The following GAS7 variants were observed in gnomAD, a reference collection of about 807,000 sequenced individuals.
The protein encoded by GAS7 is growth arrest-specific protein 7.
Under a neutral mutation model 71.1 loss-of-function variants are expected in GAS7, and 28 were observed. The ratio of observed to expected loss-of-function variants is 0.39; its 90% CI spans 0.29 to 0.54. The LOEUF is 0.54. Among genes scored for constraint, GAS7 ranks in the 20% least tolerant of loss-of-function variants. The pLI is 0.62. For missense variants in GAS7, 436 were observed against 627.8 expected (o/e 0.69, Z 3.27); for synonymous variants, 258 against 245.8 (o/e 1.05, Z -0.46).
At chr17:10,185,283 C>A (rs1029718141) in intron 1 of GAS7, among the ~76,000 whole-genome samples, 14 of 152,120 alleles carry the variant, frequency 9.2e-5, no homozygotes, top group Admixed American at 2.0e-4. Context: ...CATGGAGGTG[C>A]TAGGAGAGTC....
At chr17:10,051,585 GGCGGAGAACAC>G (rs1332222381) in intron 1 of GAS7, among the ~76,000 whole-genome samples, 5 of 152,100 alleles carry the variant, frequency 3.3e-5, no homozygotes, top group Non-Finnish European at 5.9e-5. Context: ...AAACTCACAG[GGCGGAGAACAC>G]ACGCAAGTCC....
intron 1 of GAS7, among the ~76,000 whole-genome samples, chr17:10,155,661 A>G (rs181535605): frequency 6.9e-4 from 104 of 151,710 alleles, no homozygotes; most frequent in African/African-American, 2.5e-3. Flanking sequence ...TGGTCCTCCC[A>G]CTCCCATCCC....
At chr17:9,936,099 G>A (rs543789123) in intron 8 of GAS7, among the ~76,000 whole-genome samples, 1 of 152,194 alleles carries the variant, frequency 6.6e-6, no homozygotes, top group African/African-American at 2.4e-5. Context: ...TCCACAGGAG[G>A]AAAAGGAATC....
intron 1 of GAS7, among the ~76,000 whole-genome samples, chr17:10,181,874 G>A (rs1042067118): frequency 2.0e-5 from 3 of 152,136 alleles, no homozygotes; most frequent in Admixed American, 6.5e-5. Flanking sequence ...AGAGGCTACC[G>A]CTGGTCATCC....
At chr17:10,011,044 TC>T (rs2071750515) in intron 2 of GAS7, among the ~76,000 whole-genome samples, 1 of 152,236 alleles carries the variant, frequency 6.6e-6, no homozygotes, top group Admixed American at 6.5e-5. Flanking sequence ...AGAAGTTTCC[TC>T]CTAGGATGAT....
At chr17:10,155,239 C>T (rs2074197126) in intron 1 of GAS7, among the ~76,000 whole-genome samples, 1 of 152,118 alleles carries the variant, frequency 6.6e-6, no homozygotes, top group Non-Finnish European at 1.5e-5. Context: ...TGGTCTCGAA[C>T]TCCTGACCTC....
rs113978728 is a variant in GAS7 at position 10,193,294 on chromosome 17, G to A, written c.183+4914C>T. ...AAAAAAAAAACCCTCCAAGGATTGC[G>A]ATAGAGGTAGAACTGCCAAGTCTCT... On this transcript the variant is annotated intron_variant, in intron 1 of 13. Transcript: ENST00000432992. Among the ~76,000 whole-genome samples the A allele has an allele frequency of 1.0e-3, 155 of 147,976 alleles. 1 individual carries two copies. The highest frequency in any genetic ancestry group is 3.5e-3 in the African/African-American group (140 of 40,356).
intron 1 of GAS7, among the ~76,000 whole-genome samples, chr17:10,064,324 C>T (rs1354874446): frequency 2.6e-5 from 4 of 152,226 alleles, no homozygotes; most frequent in Non-Finnish European, 5.9e-5. Context: ...GGGTCTGTGA[C>T]CTACAAAGCA....
chr17:10,141,462 G>T (rs1056793487), intron 1 of GAS7, among the ~76,000 whole-genome samples: 1 of 151,514 alleles, frequency 6.6e-6, no homozygotes, highest in African/African-American at 2.4e-5. Flanking sequence ...AAAGGCCACT[G>T]CTTGAATGAG....
At chr17:10,139,949 G>A (rs1415230798) in intron 1 of GAS7, among the ~76,000 whole-genome samples, 2 of 152,142 alleles carry the variant, frequency 1.3e-5, no homozygotes, top group African/African-American at 4.8e-5. Flanking sequence ...AGATTCTGCA[G>A]GATACCCACA....
At chr17:10,114,258 A>C (rs2073840042) in intron 1 of GAS7, among the ~76,000 whole-genome samples, 1 of 152,078 alleles carries the variant, frequency 6.6e-6, no homozygotes, top group Non-Finnish European at 1.5e-5. Context: ...CTGGGAAGGA[A>C]GCCAGTGCCT....
chr17:9,955,722 C>G (rs1434174091), intron 5 of GAS7, among the ~76,000 whole-genome samples: 1 of 152,190 alleles, frequency 6.6e-6, no homozygotes, highest in Admixed American at 6.5e-5. Flanking sequence ...GAAGGGTGCT[C>G]AAGAGGGAGC....
chr17:10,082,043 G>C (rs957260632), intron 1 of GAS7, among the ~76,000 whole-genome samples: 1 of 152,078 alleles, frequency 6.6e-6, no homozygotes, highest in Non-Finnish European at 1.5e-5. Context: ...AGAACAGTAC[G>C]CAGCAGTTAA....
chr17:10,140,648 G>A (rs2074072843), intron 1 of GAS7, among the ~76,000 whole-genome samples: 1 of 152,082 alleles, frequency 6.6e-6, no homozygotes, highest in South Asian at 2.1e-4. Context: ...GTTTCTGTCT[G>A]TTTCTCCTAC....
intron 3 of GAS7, among the ~76,000 whole-genome samples, chr17:9,976,820 GA>G (rs1567846091): frequency 1.3e-5 from 2 of 152,118 alleles, no homozygotes; most frequent in African/African-American, 4.8e-5. Flanking sequence ...TTATCCTTAA[GA>G]AAAACACGTA....
At chr17:9,986,709 C>T (rs960675477) in intron 2 of GAS7, among the ~76,000 whole-genome samples, 1 of 152,216 alleles carries the variant, frequency 6.6e-6, no homozygotes. Flanking sequence ...CCAGACCCCC[C>T]ACAAGCTAGA....
intron 1 of GAS7, among the ~76,000 whole-genome samples, chr17:10,102,266 C>T (rs2073709783): frequency 1.4e-5 from 2 of 147,774 alleles, no homozygotes; most frequent in Admixed American, 6.7e-5. Context: ...GAGATTCAGC[C>T]TTCTAATTCA....
At position 9,912,296 on chromosome 17, in the gene GAS7, C is replaced by T. The variant is rs1393844774; in HGVS notation, c.*4932G>A. The T allele has an allele frequency of 4.3e-6, 1 of 232,818 alleles. No individual in the cohort carries two copies. The highest frequency in any genetic ancestry group is 2.2e-5 in the African/African-American group (1 of 45,318). The allele number at this position is 232,818 out of a possible 1,614,324, so 14.4% of individuals were successfully genotyped here. A position where few individuals can be genotyped will look rare whatever the true frequency, so the allele number is the denominator to read the frequency against. ...ATGAGAGCCAGACACAGCATGAACA[C>T]GTGTACAGGGTACATCATTGGAAAT... On this transcript the variant is annotated 3_prime_UTR_variant, in exon 14 of 14. Transcript: ENST00000432992.
At chr17:10,119,348 C>A (rs1267445453) in intron 1 of GAS7, among the ~76,000 whole-genome samples, 1 of 152,224 alleles carries the variant, frequency 6.6e-6, no homozygotes. Context: ...TAAGTAGTTA[C>A]TGAGTGCTCA....
Sources: allele counts gnomAD v4.1 joint callset (sites outside exome capture counted in the v4.1 genomes callset), GRCh38; gene constraint gnomAD v4.1.1; transcripts MANE v1.5; gene names NCBI Gene and HGNC (gene_info 2026-07-23, HGNC 2026-07-21).